Variants in TMEM33 observed in about 807,000 individuals in gnomAD.
TMEM33 encodes transmembrane protein 33.
Under a neutral mutation model 29.7 loss-of-function variants are expected in TMEM33, and 16 were observed. That is an observed-to-expected ratio of 0.54 (90% CI 0.36 to 0.82). The LOEUF (loss-of-function observed/expected upper bound fraction) is 0.82. TMEM33 is among the 40% of genes least tolerant of loss of function. TMEM33 has a pLI of 0.00. For synonymous variants in TMEM33, 112 were observed against 109.4 expected, an observed-to-expected ratio of 1.02 and a Z score of -0.15; for missense variants, 252 against 295.3, an observed-to-expected ratio of 0.85 and a Z score of 1.08.
In TMEM33 at chr4:41,954,286, A is replaced by C; in HGVS notation, c.*87A>C. The stretch of plus-strand genomic sequence containing the variant: ...AGGGGTTGTAAATTCCAGGTGTTAC[A>C]CTGACCTCAATCCAATTTACATAAT... On this transcript the variant is annotated 3_prime_UTR_variant, in exon 7 of 7. Coordinates refer to ENST00000504986, the MANE Select transcript of TMEM33 (RefSeq NM_018126.3). The C allele has an allele frequency of 7.3e-7, 1 of 1,364,832 alleles. No individual in the cohort carries two copies. Among genetic ancestry groups the C allele is most frequent in the Non-Finnish European group, 1.0e-6 (1 of 999,908 alleles). 84.5% of individuals were successfully genotyped at this position (1,364,832 alleles called of 1,614,324 possible).
rs1321522645 is a variant in TMEM33, at chr4:41,956,729, G to C, written c.*2530G>C. Reference sequence around the variant, plus strand: ...ATTATAATATTTCTGATATACTCATGTTTGACAAGTTGAAACAGATTTGTT... The same window carrying C: ...ATTATAATATTTCTGATATACTCATCTTTGACAAGTTGAAACAGATTTGTT... On this transcript the variant is annotated 3_prime_UTR_variant, in exon 7 of 7. Coordinates refer to ENST00000504986, the MANE Select transcript of TMEM33 (RefSeq NM_018126.3). The C allele has an allele frequency of 6.6e-6, 1 of 152,108 alleles. No homozygotes were observed. Among genetic ancestry groups the C allele is most frequent in the Non-Finnish European group, 1.5e-5 (1 of 68,002 alleles). 9.4% of individuals were successfully genotyped at this position (152,108 alleles called of 1,614,324 possible). A position where few individuals can be genotyped will look rare whatever the true frequency, so the allele number is the denominator to read the frequency against.
chr4:41,936,858 T>A (rs925007990), intron 1 of TMEM33, among the ~76,000 whole-genome samples: 27 of 152,260 alleles, frequency 1.8e-4, no homozygotes, highest in Admixed American at 1.6e-3. Context: ...ATCTATATTA[T>A]ATATCAGGAA....
At chr4:41,936,942 C>T (rs1393227301) in intron 1 of TMEM33, among the ~76,000 whole-genome samples, 1 of 152,082 alleles carries the variant, frequency 6.6e-6, no homozygotes, top group Non-Finnish European at 1.5e-5. Flanking sequence ...CCACCAGTTT[C>T]TCCATTGTAA....
Position 41,954,210 on chromosome 4 carries a change from A to T in TMEM33, c.*11A>T. ...CCAACAGTTCCATAGTTTAACATCT[A>T]GTTAAGCTACAAATATAGTATAAGC... On this transcript the variant is annotated 3_prime_UTR_variant, in exon 7 of 7. Coordinates refer to ENST00000504986, the MANE Select transcript of TMEM33 (RefSeq NM_018126.3). The T allele has an allele frequency of 6.2e-7, 1 of 1,613,138 alleles. No homozygotes were observed. Among genetic ancestry groups the T allele is most frequent in the Non-Finnish European group, 8.5e-7 (1 of 1,179,430 alleles).
rs1054049072 is a variant in TMEM33 at position 41,956,413 on chromosome 4, G to A, written c.*2214G>A. 2.3e-4 allele frequency: 35 copies of A among 152,128 alleles called. No homozygotes were observed. Among genetic ancestry groups the A allele is most frequent in the African/African-American group, 8.4e-4 (35 of 41,494 alleles). The allele number at this position is 152,128 out of a possible 1,614,324, so 9.4% of individuals were successfully genotyped here. On this transcript the variant is annotated 3_prime_UTR_variant, in exon 7 of 7. Transcript: ENST00000504986. ...TTAGCCCAGAACAATACTACTAACT[G>A]AAGTATAAAACTTATTTGAATTTCA...
At chr4:41,942,651 ATT>A (rs60359484) in intron 3 of TMEM33, among the ~76,000 whole-genome samples, 4,322 of 148,406 alleles carry the variant, frequency 0.029, 104 homozygotes, top group African/African-American at 0.056. Flanking sequence ...CTACTTGACA[ATT>A]TTTTTTTTTT....
rs1560522140 is a variant in TMEM33, at chr4:41,958,700, C to CATT, written c.*4501_*4502insATT. On this transcript the variant is annotated 3_prime_UTR_variant, in exon 7 of 7. Transcript: ENST00000504986. ...GTAGAGACAACTAGTTTCTCTCGCT[C>CATT]TTTTTTTTTTTTTTTTTTTTTTTTT... The CATT allele has an allele frequency of 1.1e-5, 1 of 93,786 alleles. No individual in the cohort carries two copies. The highest frequency in any genetic ancestry group is 2.1e-5 in the Non-Finnish European group (1 of 47,336). The allele number at this position is 93,786 out of a possible 1,614,324, so 5.8% of individuals were successfully genotyped here.
At chr4:41,951,036 G>C (rs954079517) in intron 6 of TMEM33, among the ~76,000 whole-genome samples, 1 of 148,312 alleles carries the variant, frequency 6.7e-6, no homozygotes, top group Middle Eastern at 3.4e-3. Flanking sequence ...TGATAAACAG[G>C]CTATAAAACT....
chr4:41,959,686 G>C lies in TMEM33; in HGVS notation c.*5487G>C, dbSNP rs1471777344. On this transcript the variant is annotated 3_prime_UTR_variant, in exon 7 of 7. Transcript: ENST00000504986. Reference sequence around the variant, plus strand: ...TGTAACTGTTAGAACAGTTCCTTTTGACATTAATTTTTGCCTACATATATA... The same window carrying C: ...TGTAACTGTTAGAACAGTTCCTTTTCACATTAATTTTTGCCTACATATATA... 6.6e-6 allele frequency: 1 copy of C among 152,028 alleles called. No individual in the cohort carries two copies. The highest frequency in any genetic ancestry group is 1.5e-5 in the Non-Finnish European group (1 of 67,998). 9.4% of individuals were successfully genotyped at this position (152,028 alleles called of 1,614,324 possible). A position where few individuals can be genotyped will look rare whatever the true frequency, so the allele number is the denominator to read the frequency against.
chr4:41,944,955 G>T (rs774534177), intron 5 of TMEM33, 29 bp downstream of exon 5: 7 of 1,605,024 alleles, frequency 4.4e-6, no homozygotes, highest in Non-Finnish European at 5.9e-6. Context: ...TGTTTTGGGA[G>T]GCTGATGACT....
intron 2 of TMEM33, 27 bp from the exon 3 acceptor site, chr4:41,939,169 G>A (rs1712393291): frequency 6.4e-7 from 1 of 1,567,282 alleles, no homozygotes; most frequent in Non-Finnish European, 8.6e-7. Context: ...TATGTCTCAT[G>A]ATAACCTCTC....
rs762118434 is a variant in TMEM33, at chr4:41,943,765, T to A, written c.347T>A (p.Leu116Ter). The stretch of plus-strand genomic sequence containing the variant: ...TCTTTAGTGAGTATCTTCCCAGTCT[T>A]GTTATTCTCTTTGCTTCATGCTGCC... ...YPVTMSIFPV[L>*]LFSLLHAATY... The change falls in exon 4 of 7, where the codon TTG becomes TAG. Residue 116 changes from leucine (L) to a stop codon, truncating the protein, a stop_gained. Transcript: ENST00000504986. LOFTEE classifies it high-confidence loss of function. 29 of 1,613,948 alleles carry A rather than the reference T, an allele frequency of 1.8e-5. No homozygotes were observed. The highest frequency in any genetic ancestry group is 2.5e-5 in the Non-Finnish European group (29 of 1,179,942).
intron 3 of TMEM33, chr4:41,939,875 A>G (rs1477131205): frequency 2.3e-6 from 1 of 432,308 alleles, no homozygotes; most frequent in African/African-American, 2.1e-5. Flanking sequence ...CTGTGTATAG[A>G]GTAGAAAATA....
chr4:41,938,748 A>T (rs1712373813), intron 2 of TMEM33, 52 bp downstream of exon 2: 1 of 1,556,370 alleles, frequency 6.4e-7, no homozygotes, highest in South Asian at 1.1e-5. Flanking sequence ...GAGTCAGTTT[A>T]TATGGAGTGC....
chr4:41,953,959 C>A, intron 6 of TMEM33, 111 bp from the exon 7 acceptor site: 1 of 1,404,282 alleles, frequency 7.1e-7, no homozygotes, highest in South Asian at 1.3e-5. Context: ...GGTGTTGCAA[C>A]AAACCTTCAA....
intron 1 of TMEM33, among the ~76,000 whole-genome samples, chr4:41,936,469 A>G (rs73233771): frequency 0.01 from 1,556 of 152,302 alleles, 11 homozygotes; most frequent in Middle Eastern, 0.017. Flanking sequence ...CTTGCGCCCG[A>G]GAAGTTGAAG....
rs1358323969 is a variant in TMEM33 at position 41,960,593 on chromosome 4, AAG to A, written c.*6396_*6397del. On this transcript the variant is annotated 3_prime_UTR_variant, in exon 7 of 7. Transcript: ENST00000504986. Reference sequence around the variant, plus strand: ...AAAAATGTTATCTTGCAAAAGAACTAAGAACATTTGTAGTTAGAAATCAGCTT... The same window carrying A: ...AAAAATGTTATCTTGCAAAAGAACTAAACATTTGTAGTTAGAAATCAGCTT... 3 of 152,180 alleles carry A rather than the reference AAG, an allele frequency of 2.0e-5. No individual in the cohort carries two copies. The highest frequency in any genetic ancestry group is 4.4e-5 in the Non-Finnish European group (3 of 68,002). 9.4% of individuals were successfully genotyped at this position (152,180 alleles called of 1,614,324 possible).
intron 1 of TMEM33, among the ~76,000 whole-genome samples, chr4:41,937,413 C>G (rs1226568947): frequency 3.3e-5 from 5 of 152,098 alleles, no homozygotes; most frequent in African/African-American, 1.2e-4. Flanking sequence ...CTGAAATTAC[C>G]TACATGTGGG....
chr4:41,942,469 A>G (rs973734269), intron 3 of TMEM33, among the ~76,000 whole-genome samples: 1 of 152,194 alleles, frequency 6.6e-6, no homozygotes, highest in Admixed American at 6.5e-5. Context: ...AGTTATGGTT[A>G]TAATGAATTT....
Sources: allele counts gnomAD v4.1 joint callset (sites outside exome capture counted in the v4.1 genomes callset), GRCh38; gene constraint gnomAD v4.1.1; transcripts MANE v1.5; gene names NCBI Gene and HGNC (gene_info 2026-07-23, HGNC 2026-07-21).